The following TP63 variants were observed in gnomAD, a reference collection of about 807,000 sequenced individuals.
The protein encoded by TP63 is tumor protein p63, also known as tumor protein 63.
A neutral mutation model predicts 82.8 loss-of-function variants in TP63; 17 were observed. That is an observed-to-expected ratio of 0.21 (90% CI 0.14 to 0.31). The LOEUF (loss-of-function observed/expected upper bound fraction) is 0.31, where lower values mean the gene tolerates loss of function less well. TP63 is among the 10% of genes least tolerant of loss of function. The probability of loss-of-function intolerance (pLI) is 1.00; values close to 1 mark genes in which losing one functional copy is unlikely to be tolerated. For missense variants in TP63, 648 were observed against 895.3 expected (o/e 0.72, Z 3.52); for synonymous variants, 330 against 321.7 (o/e 1.03, Z -0.28).
intron 1 of TP63, among the ~76,000 whole-genome samples, chr3:189,665,954 A>G (rs1714353087): frequency 6.6e-6 from 1 of 152,118 alleles, no homozygotes; most frequent in Admixed American, 6.6e-5. Flanking sequence ...AAACTTTAAA[A>G]AAGTGTAAGC....
At chr3:189,786,060 A>C (rs945795684) in intron 3 of TP63, among the ~76,000 whole-genome samples, 17 of 152,056 alleles carry the variant, frequency 1.1e-4, no homozygotes, top group Non-Finnish European at 1.9e-4. Context: ...TAACTATTTA[A>C]CTTTTTCACA....
At chr3:189,735,137 A>G (rs1247610732) in intron 1 of TP63, among the ~76,000 whole-genome samples, 2 of 151,938 alleles carry the variant, frequency 1.3e-5, no homozygotes, top group Non-Finnish European at 2.9e-5. Context: ...AGTACTGTTG[A>G]TTACTTTTCA....
chr3:189,678,973 C>A (rs945487371), intron 1 of TP63, among the ~76,000 whole-genome samples: 4 of 151,912 alleles, frequency 2.6e-5, no homozygotes, highest in Non-Finnish European at 5.9e-5. Flanking sequence ...TTAAAATGAG[C>A]AAAGACCCCA....
chr3:189,765,433 C>CTTTTTTTTTTTTTTTTT (rs576530590), intron 3 of TP63, among the ~76,000 whole-genome samples: 2,960 of 30,046 alleles, frequency 0.099, 1,390 homozygotes, highest in Middle Eastern at 0.25. Flanking sequence ...CTGTCCTCTG[C>CTTTTTTTTTTTTTTTTT]TTTTTTTTTT....
intron 3 of TP63, among the ~76,000 whole-genome samples, chr3:189,744,863 CA>C (rs1282112918): frequency 6.6e-6 from 1 of 152,128 alleles, no homozygotes; most frequent in Admixed American, 6.6e-5. Flanking sequence ...CCCTAGGGTC[CA>C]AGGACAGGCA....
intron 3 of TP63, among the ~76,000 whole-genome samples, chr3:189,745,905 A>G (rs1203309299): frequency 1.3e-5 from 2 of 151,908 alleles, no homozygotes; most frequent in African/African-American, 4.8e-5. Context: ...AAAAAAATCA[A>G]AGCATACATA....
chr3:189,697,215 G>C (rs1717442623), intron 1 of TP63, among the ~76,000 whole-genome samples: 1 of 144,030 alleles, frequency 6.9e-6, no homozygotes, highest in African/African-American at 2.6e-5. Flanking sequence ...AAAGATGTAA[G>C]GTGTATGTCT....
At chr3:189,709,640 G>A (rs374914271) in intron 1 of TP63, among the ~76,000 whole-genome samples, 12 of 152,004 alleles carry the variant, frequency 7.9e-5, no homozygotes, top group Admixed American at 5.9e-4. Context: ...GCAAGACTCC[G>A]TCTCAAAAAA....
At chr3:189,616,897 G>T in the TP63 span, among the ~76,000 whole-genome samples, 1 of 152,180 alleles carries the variant, frequency 6.6e-6, no homozygotes, top group African/African-American at 2.4e-5. Context: ...TAAGTTTCAT[G>T]CTACATCTTT....
At chr3:189,707,304 T>A (rs9873352) in intron 1 of TP63, among the ~76,000 whole-genome samples, 62,868 of 151,926 alleles carry the variant, frequency 0.41, 13,284 homozygotes, top group East Asian at 0.64. Context: ...TTAAATGGAT[T>A]GTATATTCAT....
At chr3:189,624,851 G>C in the TP63 span, among the ~76,000 whole-genome samples, 1 of 151,890 alleles carries the variant, frequency 6.6e-6, no homozygotes, top group Non-Finnish European at 1.5e-5. Context: ...CAACACACAT[G>C]GGCAGGAGGT....
At chr3:189,645,298 A>G in intron 1 of TP63, 1 of 469,722 alleles carries the variant, frequency 2.1e-6, no homozygotes, top group Non-Finnish European at 4.1e-6. Context: ...GGTCTCTTGA[A>G]CTGCCCTTCT....
chr3:189,650,549 CCCACTTCACTGGACACTCTTTCTTCT>C (rs1378539241), intron 1 of TP63, among the ~76,000 whole-genome samples: 1 of 146,312 alleles, frequency 6.8e-6, no homozygotes, highest in African/African-American at 2.6e-5. Context: ...TAAGGGGCTT[CCCACTTCACTGGACACTCTTTCTTCT>C]CCTTCCTGCC....
At chr3:189,757,420 G>A (rs1722260588) in intron 3 of TP63, among the ~76,000 whole-genome samples, 1 of 152,170 alleles carries the variant, frequency 6.6e-6, no homozygotes, top group South Asian at 2.1e-4. Flanking sequence ...TGCAAAACAA[G>A]GATCAGGATT....
chr3:189,875,609 T>TATATATATATATACACAC (rs1553859650), intron 10 of TP63, among the ~76,000 whole-genome samples: 854 of 62,956 alleles, frequency 0.014, 23 homozygotes, highest in Middle Eastern at 0.027. Flanking sequence ...TATATATATA[T>TATATATATATATACACAC]ATATATATAT....
intron 3 of TP63, among the ~76,000 whole-genome samples, chr3:189,746,426 C>T (rs1721381490): frequency 6.6e-6 from 1 of 150,894 alleles, no homozygotes; most frequent in Non-Finnish European, 1.5e-5. Context: ...ATCCTATACC[C>T]CAGAAGCAAA....
intron 3 of TP63, among the ~76,000 whole-genome samples, chr3:189,799,352 G>A (rs895504854): frequency 4.3e-4 from 66 of 152,136 alleles, no homozygotes; most frequent in African/African-American, 1.5e-3. Context: ...GAAACTAAAT[G>A]TCTTTCTCTA....
chr3:189,859,866 C>A (rs7628486), intron 4 of TP63, among the ~76,000 whole-genome samples: 105,972 of 152,070 alleles, frequency 0.7, 37,210 homozygotes, highest in Middle Eastern at 0.82. Context: ...TCTCAAAAGC[C>A]TTATCACATA....
rs554919820 is a variant in TP63, at chr3:189,636,765, G to A, written c.62+5188G>A. On this transcript the variant is annotated intron_variant, in intron 1 of 13. Coordinates refer to ENST00000264731, the MANE Select transcript of TP63 (RefSeq NM_003722.5). ...ATTTTTGGTGAATCAGTGAGTGATG[G>A]TCATAGTGGTAGTACGTTAAATCAA... Among the ~76,000 whole-genome samples the A allele has an allele frequency of 2.6e-5, 4 of 152,064 alleles. No individual in the cohort carries two copies. The South Asian group carries it at 8.3e-4, about 32-fold the overall frequency.
Sources: gnomAD v4.1 joint callset for allele counts (sites outside exome capture counted in the v4.1 genomes callset) on GRCh38, gnomAD v4.1.1 for gene constraint, MANE v1.5 for transcripts, NCBI Gene and HGNC (gene_info 2026-07-23, HGNC 2026-07-21) for gene names.